MBD5: variants seen among roughly 807,000 people sequenced by gnomAD.
The protein encoded by MBD5 is methyl-CpG binding domain protein 5.
MBD5 carries 13 observed loss-of-function variants against 117.3 expected under a neutral mutation model. The ratio of observed to expected loss-of-function variants is 0.11; its 90% CI spans 0.07 to 0.18. The LOEUF (loss-of-function observed/expected upper bound fraction) is 0.18. Ranked by LOEUF, MBD5 falls within the 10% of genes least tolerant of loss-of-function variation. The pLI, the probability that MBD5 is intolerant of heterozygous loss-of-function variation, is 1.00. For missense variants in MBD5, 1,879 were observed against 2,093.8 expected (o/e 0.90, Z 2.00); for synonymous variants, 727 against 766.4 (o/e 0.95, Z 0.85).
At chr2:148,322,710 G>T (rs534298426) in intron 3 of MBD5, among the ~76,000 whole-genome samples, 17 of 152,180 alleles carry the variant, frequency 1.1e-4, no homozygotes, top group Non-Finnish European at 1.9e-4. Flanking sequence ...GAACACACAT[G>T]TTAGTTTCAT....
chr2:148,221,838 A>G (rs913109105), intron 2 of MBD5, among the ~76,000 whole-genome samples: 3 of 152,064 alleles, frequency 2.0e-5, no homozygotes, highest in African/African-American at 4.8e-5. Flanking sequence ...ATTCAGACCA[A>G]TGTCTTGGAG....
At chr2:148,028,845 A>G (rs1363331983) in intron 1 of MBD5, among the ~76,000 whole-genome samples, 5 of 152,018 alleles carry the variant, frequency 3.3e-5, no homozygotes, top group African/African-American at 7.2e-5. Flanking sequence ...TTCAGAGGCT[A>G]TTTTTTTAGT....
At chr2:148,184,311 C>A (rs1698600473) in intron 2 of MBD5, among the ~76,000 whole-genome samples, 1 of 152,126 alleles carries the variant, frequency 6.6e-6, no homozygotes. Context: ...CCAGACCCAG[C>A]CTATTTTTCT....
intron 3 of MBD5, among the ~76,000 whole-genome samples, chr2:148,260,421 G>T (rs917254452): frequency 2.6e-5 from 4 of 152,178 alleles, no homozygotes; most frequent in African/African-American, 9.7e-5. Flanking sequence ...GAGATCTCTT[G>T]CTCGTTCCAC....
At chr2:148,448,374 A>G (rs1359127236) in intron 4 of MBD5, among the ~76,000 whole-genome samples, 1 of 151,570 alleles carries the variant, frequency 6.6e-6, no homozygotes, top group Non-Finnish European at 1.5e-5. Flanking sequence ...ACTGGACTTG[A>G]GTGTTCCTAG....
At chr2:148,356,760 C>G (rs1364738527) in intron 4 of MBD5, among the ~76,000 whole-genome samples, 1 of 152,058 alleles carries the variant, frequency 6.6e-6, no homozygotes, top group East Asian at 1.9e-4. Flanking sequence ...TATCTCTTTC[C>G]TTTTCTTCCC....
chr2:148,061,971 A>G (rs1695048316), intron 1 of MBD5, among the ~76,000 whole-genome samples: 1 of 150,516 alleles, frequency 6.6e-6, no homozygotes. Context: ...ATATTCATGT[A>G]CCTTTTCTTT....
At chr2:148,460,586 CAG>C (rs1264871849) in intron 5 of MBD5, among the ~76,000 whole-genome samples, 6 of 152,194 alleles carry the variant, frequency 3.9e-5, no homozygotes, top group African/African-American at 1.4e-4. Flanking sequence ...GCTCCTGCCT[CAG>C]GGTGGCATTG....
At chr2:148,283,817 A>C (rs11675979) in intron 3 of MBD5, among the ~76,000 whole-genome samples, 42,307 of 152,098 alleles carry the variant, frequency 0.28, 6,560 homozygotes, top group Admixed American at 0.37. Flanking sequence ...TTAGCACACA[A>C]ACATAGCTAC....
At chr2:148,388,555 G>A (rs1001831463) in intron 4 of MBD5, among the ~76,000 whole-genome samples, 2 of 151,852 alleles carry the variant, frequency 1.3e-5, no homozygotes, top group African/African-American at 4.8e-5. Context: ...CATTTTCTAG[G>A]GCTGCCTAAG....
chr2:148,105,089 A>G (rs1292093659), intron 1 of MBD5, among the ~76,000 whole-genome samples: 1 of 151,668 alleles, frequency 6.6e-6, no homozygotes, highest in Non-Finnish European at 1.5e-5. Context: ...AGTAAGCTGT[A>G]TTTTTCTAGG....
chr2:148,327,805 G>C (rs1030329780), intron 3 of MBD5, among the ~76,000 whole-genome samples: 1 of 152,120 alleles, frequency 6.6e-6, no homozygotes, highest in African/African-American at 2.4e-5. Context: ...CCATAGCTCG[G>C]AGTAATTTGA....
At chr2:148,325,252 G>A (rs1702412273) in intron 3 of MBD5, among the ~76,000 whole-genome samples, 1 of 152,124 alleles carries the variant, frequency 6.6e-6, no homozygotes, top group African/African-American at 2.4e-5. Flanking sequence ...TTTTATTGAG[G>A]ATTTTTGCAT....
At chr2:148,214,904 T>C (rs1338378072) in intron 2 of MBD5, among the ~76,000 whole-genome samples, 1 of 152,074 alleles carries the variant, frequency 6.6e-6, no homozygotes, top group East Asian at 1.9e-4. Context: ...GAAGTTATAA[T>C]AGCACATATG....
Position 148,483,295 on chromosome 2 carries a change from T to A in MBD5, c.2704T>A (p.Ser902Thr). 6.2e-7 allele frequency: 1 copy of A among 1,614,066 alleles called. No individual in the cohort carries two copies. The highest frequency in any genetic ancestry group is 8.5e-7 in the Non-Finnish European group (1 of 1,180,002). ...VGQEHALHFP[S>T]NSTSNNHLPH... ...CCAGGAGCACGCACTTCATTTTCCATCCAACAGCACTTCAAACAACCATCT... is the reference window on the plus strand; with the variant it reads ...CCAGGAGCACGCACTTCATTTTCCAACCAACAGCACTTCAAACAACCATCT... The change falls in exon 9 of 14, where the codon TCC becomes ACC. Residue 902 changes from serine to threonine, a missense_variant. This residue lies in a region of MBD5 where 1,666 missense variants were observed against 1,792.2 expected (regional missense o/e 0.93). Coordinates refer to ENST00000642680, the MANE Select transcript of MBD5 (RefSeq NM_001378120.1).
chr2:148,038,495 A>G (rs1181302252), intron 1 of MBD5, among the ~76,000 whole-genome samples: 1 of 150,234 alleles, frequency 6.7e-6, no homozygotes. Flanking sequence ...CTTGAATTTA[A>G]TAAGTACAGT....
intron 3 of MBD5, among the ~76,000 whole-genome samples, chr2:148,269,325 G>A (rs985048828): frequency 4.0e-5 from 6 of 150,960 alleles, no homozygotes; most frequent in African/African-American, 1.5e-4. Context: ...TTAATAAGTA[G>A]GTTTAATGCT....
At chr2:148,375,608 G>A (rs1703967866) in intron 4 of MBD5, among the ~76,000 whole-genome samples, 1 of 152,154 alleles carries the variant, frequency 6.6e-6, no homozygotes, top group African/African-American at 2.4e-5. Context: ...GTCTGGAAAT[G>A]CTAGTTTTCT....
At chr2:148,136,436 A>G (rs751161102) in intron 1 of MBD5, among the ~76,000 whole-genome samples, 14 of 152,206 alleles carry the variant, frequency 9.2e-5, no homozygotes, top group Admixed American at 2.0e-4. Flanking sequence ...GATATTGGGA[A>G]GGTATACAAA....
Sources: allele counts gnomAD v4.1 joint callset (sites outside exome capture counted in the v4.1 genomes callset), GRCh38; gene constraint gnomAD v4.1.1; regional missense constraint gnomAD v4.1.1; transcripts MANE v1.5; gene names NCBI Gene and HGNC (gene_info 2026-07-23, HGNC 2026-07-21).